Variants in KIF16B observed in about 807,000 individuals in gnomAD.
KIF16B encodes the protein kinesin family member 16B, also known as kinesin-like protein KIF16B.
A neutral mutation model predicts 156.3 loss-of-function variants in KIF16B; 98 were observed. The observed-to-expected ratio is 0.63, with a 90% CI of 0.53 to 0.74. KIF16B has a LOEUF of 0.74. Ranked by LOEUF, KIF16B falls within the 30% of genes least tolerant of loss-of-function variation. The probability of loss-of-function intolerance (pLI) is 0.00; values close to 1 mark genes in which losing one functional copy is unlikely to be tolerated. For missense variants in KIF16B, 1,421 were observed against 1,606.5 expected (o/e 0.88, Z 1.97); for synonymous variants, 564 against 583.7 (o/e 0.97, Z 0.49).
intron 23 of KIF16B, among the ~76,000 whole-genome samples, chr20:16,343,736 C>A (rs2064181947): frequency 6.6e-6 from 1 of 152,124 alleles, no homozygotes; most frequent in Non-Finnish European, 1.5e-5. Context: ...AATCTCCTTA[C>A]ATACTATAGA....
chr20:16,334,496 A>G (rs2064001224), intron 24 of KIF16B, among the ~76,000 whole-genome samples: 1 of 152,228 alleles, frequency 6.6e-6, no homozygotes, highest in South Asian at 2.1e-4. Flanking sequence ...AATTTTTAAT[A>G]AAAGACTAGA....
At chr20:16,520,949 G>A (rs2069327808) in intron 3 of KIF16B, among the ~76,000 whole-genome samples, 1 of 152,154 alleles carries the variant, frequency 6.6e-6, no homozygotes, top group Non-Finnish European at 1.5e-5. Flanking sequence ...CTGACTGTTA[G>A]AAGGAAAACA....
At chr20:16,520,230 G>T (rs541669967) in intron 3 of KIF16B, among the ~76,000 whole-genome samples, 1 of 151,898 alleles carries the variant, frequency 6.6e-6, no homozygotes. Flanking sequence ...AAGTGGTCTA[G>T]CTCAGCAAAT....
At chr20:16,491,311 T>C (rs1167722062) in intron 12 of KIF16B, among the ~76,000 whole-genome samples, 1 of 152,026 alleles carries the variant, frequency 6.6e-6, no homozygotes, top group Non-Finnish European at 1.5e-5. Flanking sequence ...GGACAGATGA[T>C]ACCGACAAGG....
At chr20:16,503,189 C>A (rs1340889389) in intron 10 of KIF16B, among the ~76,000 whole-genome samples, 1 of 152,068 alleles carries the variant, frequency 6.6e-6, no homozygotes, top group East Asian at 1.9e-4. Flanking sequence ...CCAGCCTGGG[C>A]AACACAGTGA....
At chr20:16,306,582 G>A (rs965553736) in intron 25 of KIF16B, among the ~76,000 whole-genome samples, 15 of 152,122 alleles carry the variant, frequency 9.9e-5, no homozygotes, top group African/African-American at 2.9e-4. Flanking sequence ...ATAGTGACAC[G>A]ATTTTAGTGT....
At chr20:16,501,563 GCAGTAA>G (rs1218632678) in intron 10 of KIF16B, among the ~76,000 whole-genome samples, 1 of 152,024 alleles carries the variant, frequency 6.6e-6, no homozygotes, top group Admixed American at 6.6e-5. Flanking sequence ...AGTCTACAAA[GCAGTAA>G]CAGCCCGAAA....
At chr20:16,304,313 T>TAAC (rs1390617296) in intron 25 of KIF16B, among the ~76,000 whole-genome samples, 4 of 152,248 alleles carry the variant, frequency 2.6e-5, no homozygotes, top group African/African-American at 9.6e-5. Context: ...CATAAAGCAC[T>TAAC]AACACATATA....
chr20:16,377,320 G>A (rs1358358545), intron 19 of KIF16B, among the ~76,000 whole-genome samples: 2 of 152,070 alleles, frequency 1.3e-5, no homozygotes, highest in East Asian at 1.9e-4. Flanking sequence ...GGCACTTTAG[G>A]AGGCTCAGGT....
chr20:16,382,101 A>G, intron 17 of KIF16B: 1 of 1,355,618 alleles, frequency 7.4e-7, no homozygotes, highest in Non-Finnish European at 9.9e-7. Context: ...TCTCTACCTT[A>G]GACAGATGGG....
At chr20:16,532,612 T>G (rs1229897022) in intron 1 of KIF16B, among the ~76,000 whole-genome samples, 1 of 152,210 alleles carries the variant, frequency 6.6e-6, no homozygotes, top group South Asian at 2.1e-4. Context: ...CCACCTGGGT[T>G]TATTTATATC....
At chr20:16,568,737 C>T (rs1183172745) in intron 1 of KIF16B, among the ~76,000 whole-genome samples, 1 of 146,296 alleles carries the variant, frequency 6.8e-6, no homozygotes, top group Non-Finnish European at 1.5e-5. Flanking sequence ...ATCACCTGAG[C>T]CCACCAGGAG....
At chr20:16,527,416 T>C (rs6135786) in intron 2 of KIF16B, among the ~76,000 whole-genome samples, 106,823 of 152,140 alleles carry the variant, frequency 0.7, 39,182 homozygotes, top group African/African-American at 0.92. Context: ...CTTTGAGCCA[T>C]AAATTAATAG....
chr20:16,568,824 A>C (rs2071356357), intron 1 of KIF16B, among the ~76,000 whole-genome samples: 2 of 46,958 alleles, frequency 4.3e-5, no homozygotes, highest in Non-Finnish European at 1.0e-4. Context: ...TGTCTCAAAA[A>C]AAAAAAAAAA....
chr20:16,333,528 C>G (rs772080171), intron 24 of KIF16B, among the ~76,000 whole-genome samples: 5 of 152,164 alleles, frequency 3.3e-5, no homozygotes, highest in Non-Finnish European at 7.4e-5. Flanking sequence ...ACTTGATTTT[C>G]TTCATTTGAA....
At chr20:16,323,573 T>C (rs2063801747) in intron 24 of KIF16B, among the ~76,000 whole-genome samples, 1 of 152,008 alleles carries the variant, frequency 6.6e-6, no homozygotes, top group Admixed American at 6.6e-5. Context: ...GCAGCAACTC[T>C]TCAGGACAAC....
chr20:16,479,876 A>G (rs62199772), intron 12 of KIF16B, among the ~76,000 whole-genome samples: 28,736 of 152,154 alleles, frequency 0.19, 4,846 homozygotes, highest in African/African-American at 0.46. Flanking sequence ...AGAACACATC[A>G]TTGACACCAA....
At chr20:16,383,391 T>C (rs543066524) in intron 17 of KIF16B, among the ~76,000 whole-genome samples, 15 of 152,322 alleles carry the variant, frequency 9.8e-5, no homozygotes, top group African/African-American at 3.6e-4. Flanking sequence ...ACTCAGTTTA[T>C]GAGCAATGTT....
chr20:16,406,447 A>T lies in KIF16B; in HGVS notation c.1622T>A (p.Ile541Asn), dbSNP rs534932934. The change falls in exon 16 of 26, where the codon ATT becomes AAT. Residue 541 changes from isoleucine (I) to asparagine (N), a missense_variant. By Grantham distance (149) the Ile-to-Asn change is moderately radical. Coordinates refer to ENST00000354981, the MANE Select transcript of KIF16B (RefSeq NM_024704.5). ...EATHLNQGAV[I>N]LLGRTNMFRF... is the part of the protein sequence containing the mutation. ...AAACATATTGGTTCTTCCCAAGAGA[A>T]TCACAGCACCTGAAAACACACAAAA... The T allele has an allele frequency of 5.0e-6, 8 of 1,613,484 alleles. No homozygotes were observed. The South Asian group carries it at 8.8e-5, about 18-fold the overall frequency.
Sources: allele counts gnomAD v4.1 joint callset (sites outside exome capture counted in the v4.1 genomes callset), GRCh38; gene constraint gnomAD v4.1.1; transcripts MANE v1.5; gene names NCBI Gene and HGNC (gene_info 2026-07-23, HGNC 2026-07-21).